PREPL: variants seen among roughly 807,000 people sequenced by gnomAD.
PREPL encodes the protein prolyl endopeptidase like, also known as prolyl endopeptidase-like.
A neutral mutation model predicts 70.6 loss-of-function variants in PREPL; 77 were observed. That is an observed-to-expected ratio of 1.09 (90% CI 0.91 to 1.32). The LOEUF is 1.32. PREPL is among the 40% of genes most tolerant of loss of function. The pLI is 0.00. For synonymous variants in PREPL, 315 were observed against 264.8 expected (o/e 1.19, Z -1.84); for missense variants, 1,002 against 778.2 (o/e 1.29, Z -3.42).
intron 5 of PREPL, among the ~76,000 whole-genome samples, chr2:44,342,000 A>G (rs1159202727): frequency 2.6e-5 from 4 of 152,146 alleles, no homozygotes; most frequent in African/African-American, 9.7e-5. Flanking sequence ...AGTTTGAAAG[A>G]GAGATACCTA....
At chr2:44,345,435 T>C (rs1414981590) in intron 2 of PREPL, among the ~76,000 whole-genome samples, 1 of 152,042 alleles carries the variant, frequency 6.6e-6, no homozygotes, top group African/African-American at 2.4e-5. Flanking sequence ...CAGGGCAACC[T>C]CTGCATCCTG....
chr2:44,343,442 C>T (rs1356461070), intron 4 of PREPL, among the ~76,000 whole-genome samples: 4 of 152,010 alleles, frequency 2.6e-5, no homozygotes, highest in African/African-American at 4.8e-5. Context: ...ATGCAACTTA[C>T]GTGTAAAAAT....
rs1675338100 is a variant in PREPL at position 44,342,546 on chromosome 2, A to AC, written c.355dup (p.Val119GlyfsTer7). Reference sequence around the variant, plus strand: ...AACATCTTCATCTTCCTCGTCCTTTACCCATTCTGAAAGAAAATAATGAGA... The same window carrying AC: ...AACATCTTCATCTTCCTCGTCCTTTACCCCATTCTGAAAGAAAATAATGAGA... On this transcript the variant is annotated frameshift_variant, in exon 5 of 14. Transcript: ENST00000409411. LOFTEE classifies it high-confidence loss of function. 3 of 1,563,098 alleles carry AC rather than the reference A, an allele frequency of 1.9e-6. No individual in the cohort carries two copies.
rs1481037304 is a variant in PREPL, at chr2:44,326,873, G to C, written c.1318C>G (p.Leu440Val). 1.9e-6 allele frequency: 3 copies of C among 1,614,028 alleles called. No homozygotes were observed. The highest frequency in any genetic ancestry group is 2.5e-6 in the Non-Finnish European group (3 of 1,180,036). Reference sequence around the variant, plus strand: ...GCCTCTAAATCAGCAAGGCCATTGAGTTTTTTAGTTAGGCGGCCATCAGCG... The same window carrying C: ...GCCTCTAAATCAGCAAGGCCATTGACTTTTTTAGTTAGGCGGCCATCAGCG... ...WHADGRLTKK[L>V]NGLADLEACI... The change falls in exon 10 of 14, where the codon CTC (leucine) becomes GTC (valine). Residue 440 changes from leucine to valine, a missense_variant. Transcript: ENST00000409411.
rs1197037280 is a variant in PREPL at position 44,339,315 on chromosome 2, T to A, written c.534A>T (p.Ile178=). The A allele has an allele frequency of 6.2e-7, 1 of 1,613,998 alleles. No individual in the cohort carries two copies. The highest frequency in any genetic ancestry group is 1.1e-5 in the South Asian group (1 of 91,070). ...CAGAAGTAGTCTTGTTCATAATATT[T>A]ATGGTGAGGAAACGACTGTCTTTTG... ...YLTKDSRFLT[I]NIMNKTTSEV... Residue 178 remains isoleucine (I), a synonymous_variant, in exon 6 of 14, where the codon ATA becomes ATT. Coordinates refer to ENST00000409411, the MANE Select transcript of PREPL (RefSeq NM_001171613.2).
chr2:44,339,076 A>T, intron 6 of PREPL, 71 bp downstream of exon 6: 2 of 1,579,112 alleles, frequency 1.3e-6, no homozygotes, highest in South Asian at 1.1e-5. Flanking sequence ...CTCTTGGAGC[A>T]AGAAATGTTG....
intron 7 of PREPL, among the ~76,000 whole-genome samples, chr2:44,334,461 A>C (rs1674432943): frequency 6.6e-6 from 1 of 152,236 alleles, no homozygotes; most frequent in Admixed American, 6.5e-5. Flanking sequence ...ACAAAAAAAA[A>C]TACTTCCAGA....
intron 1 of PREPL, among the ~76,000 whole-genome samples, chr2:44,350,556 G>C (rs1337115319): frequency 1.3e-5 from 2 of 152,128 alleles, no homozygotes; most frequent in East Asian, 1.9e-4. Flanking sequence ...ACACCAATGA[G>C]ATTTCCAAAA....
chr2:44,329,030 T>C lies in PREPL; in HGVS notation c.1169A>G (p.Tyr390Cys), dbSNP rs757204599. Residue 390 changes from tyrosine to cysteine, a missense_variant, in exon 9 of 14, where the codon TAT becomes TGT. By Grantham distance (194) the Tyr-to-Cys change is radical. Transcript: ENST00000409411. ...TTTCAAATCCATTCCATAAGCTCCATATACATGTACCAAGAGAGGTTTCTT... is the reference window on the plus strand; with the variant it reads ...TTTCAAATCCATTCCATAAGCTCCACATACATGTACCAAGAGAGGTTTCTT... ...LQKKPLLVHV[Y>C]GAYGMDLKMN... 20 of 1,613,540 alleles carry C rather than the reference T, an allele frequency of 1.2e-5. No homozygotes were observed. The African/African-American group carries it at 1.6e-4, about 13-fold the overall frequency.
chr2:44,342,196 C>T (rs1192318384), intron 5 of PREPL, among the ~76,000 whole-genome samples: 1 of 152,138 alleles, frequency 6.6e-6, no homozygotes, highest in African/African-American at 2.4e-5. Context: ...AAATCAATTT[C>T]AGTTTTTAAT....
chr2:44,345,073 A>C (rs1675645153), intron 2 of PREPL, among the ~76,000 whole-genome samples: 2 of 152,236 alleles, frequency 1.3e-5, no homozygotes, highest in Non-Finnish European at 2.9e-5. Flanking sequence ...GTCTTGACTT[A>C]ACACAAACTA....
In PREPL at chr2:44,321,864, G is replaced by T. The variant is rs1305157753; in HGVS notation, c.1790C>A (p.Pro597His). The change falls in exon 13 of 14, where the codon CCT becomes CAT. Residue 597 changes from proline (P) to histidine (H), a missense_variant. Physicochemically the swap from Pro to His is moderately conservative, Grantham distance 77. Coordinates refer to ENST00000409411, the MANE Select transcript of PREPL (RefSeq NM_001171613.2). ...QTPNIILDIQPGGNHVIEDSH... is the reference protein window; with the variant it reads ...QTPNIILDIQHGGNHVIEDSH... ...ATCCTCAATTACATGATTGCCTCCA[G>T]GCTGAATATCTAGAATAATATTAGG... The T allele has an allele frequency of 1.9e-6, 3 of 1,613,640 alleles. No homozygotes were observed. The East Asian group carries it at 6.7e-5, about 36-fold the overall frequency.
chr2:44,360,253 G>A (rs1449199318), intron 1 of PREPL: 1 of 152,246 alleles, frequency 6.6e-6, no homozygotes, highest in African/African-American at 2.4e-5. Context: ...ATTGTTGAGT[G>A]TTAACTAACT....
At chr2:44,343,659 T>A in intron 4 of PREPL, 86 bp downstream of exon 4, 1 of 1,197,942 alleles carries the variant, frequency 8.3e-7, no homozygotes, top group Non-Finnish European at 1.2e-6. Flanking sequence ...ATTCACCTTC[T>A]CCCTCCCTCA....
At chr2:44,349,564 A>G (rs904328843) in intron 1 of PREPL, among the ~76,000 whole-genome samples, 1 of 152,222 alleles carries the variant, frequency 6.6e-6, no homozygotes, top group Middle Eastern at 3.2e-3. Context: ...AGGTAAGAAA[A>G]TTAATTTTTG....
intron 8 of PREPL, among the ~76,000 whole-genome samples, chr2:44,331,469 G>C (rs1674080590): frequency 6.6e-6 from 1 of 152,072 alleles, no homozygotes; most frequent in East Asian, 1.9e-4. Flanking sequence ...GCCTCCCAAA[G>C]TGCTGGGATT....
chr2:44,341,848 T>A (rs911049938), intron 5 of PREPL, among the ~76,000 whole-genome samples: 1 of 152,112 alleles, frequency 6.6e-6, no homozygotes, highest in Non-Finnish European at 1.5e-5. Context: ...TATATTTAAT[T>A]TTTTCACCTA....
intron 7 of PREPL, 48 bp from the exon 8 acceptor site, chr2:44,332,704 T>A: frequency 7.1e-7 from 1 of 1,410,884 alleles, no homozygotes; most frequent in Non-Finnish European, 9.7e-7. Context: ...GGCCACCAAG[T>A]ATCATTAATT....
At chr2:44,321,588 A>G (rs1672951889) in intron 13 of PREPL, 143 bp from the exon 14 acceptor site, 1 of 1,491,308 alleles carries the variant, frequency 6.7e-7, no homozygotes, top group Non-Finnish European at 8.9e-7. Flanking sequence ...AGAGAGAGGC[A>G]GAAGGCTTCC....
Sources: gnomAD v4.1 joint callset for allele counts (sites outside exome capture counted in the v4.1 genomes callset) on GRCh38, gnomAD v4.1.1 for gene constraint, MANE v1.5 for transcripts, NCBI Gene and HGNC (gene_info 2026-07-23, HGNC 2026-07-21) for gene names.